Variants in MALRD1 observed in about 807,000 individuals in gnomAD.
The protein encoded by MALRD1 is MAM and LDL receptor class A domain containing 1.
In MALRD1, 247 loss-of-function variants were observed where a neutral mutation model predicts 242.1. That is an observed-to-expected ratio of 1.02 (90% CI 0.92 to 1.13). MALRD1 has a LOEUF of 1.13. Ranked by LOEUF, MALRD1 falls within the 50% of genes most tolerant of loss-of-function variation. MALRD1 has a pLI of 0.00. For synonymous variants in MALRD1, 995 were observed against 866.6 expected, an observed-to-expected ratio of 1.15 and a Z score of -2.60; for missense variants, 2,989 against 2,533.1, an observed-to-expected ratio of 1.18 and a Z score of -3.86.
At chr10:19,591,485 C>A (rs892541474) in intron 33 of MALRD1, among the ~76,000 whole-genome samples, 2 of 148,576 alleles carry the variant, frequency 1.3e-5, no homozygotes, top group Non-Finnish European at 3.0e-5. Flanking sequence ...TTCCTTCCTT[C>A]CTTTTATTTT....
At chr10:19,579,287 C>T (rs929097454) in intron 33 of MALRD1, among the ~76,000 whole-genome samples, 10 of 152,090 alleles carry the variant, frequency 6.6e-5, no homozygotes, top group Non-Finnish European at 1.5e-4. Context: ...TCTCTAATGC[C>T]CATGTCACTA....
At chr10:19,257,322 C>T (rs1189290663) in intron 18 of MALRD1, among the ~76,000 whole-genome samples, 11 of 152,054 alleles carry the variant, frequency 7.2e-5, no homozygotes, top group Non-Finnish European at 1.5e-4. Context: ...GATGAGGGAA[C>T]AATTATTTGC....
chr10:19,497,692 A>G (rs1301816163), intron 30 of MALRD1, among the ~76,000 whole-genome samples: 1 of 152,180 alleles, frequency 6.6e-6, no homozygotes, highest in Non-Finnish European at 1.5e-5. Context: ...AGAAAGGAAA[A>G]GTCAATGACA....
chr10:19,242,946 A>T (rs548724207), intron 18 of MALRD1, among the ~76,000 whole-genome samples: 42 of 151,714 alleles, frequency 2.8e-4, no homozygotes, highest in African/African-American at 8.9e-4. Flanking sequence ...ATAAATTAGG[A>T]CTTCCTTCTA....
intron 4 of MALRD1, 119 bp downstream of exon 4, chr10:19,088,304 C>A: frequency 2.2e-6 from 2 of 916,026 alleles, no homozygotes; most frequent in Non-Finnish European, 2.9e-6. Context: ...AGGGATTTCC[C>A]AGGACTTTCA....
rs1280032156 is a variant in MALRD1, at chr10:19,389,258, C to T, written c.4688-194C>T. ...CATACTGTGAAGCACGTGCTAAAAGCACAGACAGTTGGAAATTGTTCTGTC... is the reference window on the plus strand; with the variant it reads ...CATACTGTGAAGCACGTGCTAAAAGTACAGACAGTTGGAAATTGTTCTGTC... On this transcript the variant is annotated intron_variant, in intron 27 of 39. Transcript: ENST00000454679. 4 of 698,934 alleles carry T rather than the reference C, an allele frequency of 5.7e-6. No homozygotes were observed. In the East Asian group the frequency reaches 1.1e-4, roughly 20 times the overall value. The allele number at this position is 698,934 out of a possible 1,614,324, so 43.3% of individuals were successfully genotyped here. A position where few individuals can be genotyped will look rare whatever the true frequency, so the allele number is the denominator to read the frequency against.
At chr10:19,417,575 TTTACTC>T (rs1202932814) in intron 28 of MALRD1, among the ~76,000 whole-genome samples, 2 of 152,136 alleles carry the variant, frequency 1.3e-5, no homozygotes, top group Non-Finnish European at 2.9e-5. Flanking sequence ...GTGAAACAAA[TTTACTC>T]TTAAGTAAAG....
chr10:19,365,902 C>T (rs980803697), intron 26 of MALRD1, among the ~76,000 whole-genome samples: 1 of 151,918 alleles, frequency 6.6e-6, no homozygotes, highest in Non-Finnish European at 1.5e-5. Context: ...TGCCCTCCAC[C>T]CCAGCACTCA....
At chr10:19,144,664 A>G (rs1833669078) in intron 10 of MALRD1, among the ~76,000 whole-genome samples, 1 of 152,228 alleles carries the variant, frequency 6.6e-6, no homozygotes, top group Admixed American at 6.5e-5. Context: ...CTTTTTAATT[A>G]TGAAACAGAG....
intron 19 of MALRD1, among the ~76,000 whole-genome samples, chr10:19,275,347 A>C (rs1840457139): frequency 6.6e-6 from 1 of 152,134 alleles, no homozygotes; most frequent in South Asian, 2.1e-4. Context: ...CTGCCCTGAA[A>C]TGTTCTTCTC....
rs1200173063 is a variant in MALRD1, at chr10:19,694,092, C to T, written c.6314+1538C>T. The stretch of plus-strand genomic sequence containing the variant: ...AAATTAATTCAAGATGGATTAAAGA[C>T]GTAAATGTTAGACCTAAAACCATAA... On this transcript the variant is annotated intron_variant, in intron 38 of 39. Coordinates refer to ENST00000454679, the MANE Select transcript of MALRD1 (RefSeq NM_001142308.3). Among the ~76,000 whole-genome samples, 20 of 152,256 alleles carry T rather than the reference C, an allele frequency of 1.3e-4. No individual in the cohort carries two copies. The East Asian group carries it at 1.9e-3, about 15-fold the overall frequency.
At chr10:19,052,641 A>G (rs557639856) in intron 1 of MALRD1, among the ~76,000 whole-genome samples, 1 of 152,018 alleles carries the variant, frequency 6.6e-6, no homozygotes, top group Non-Finnish European at 1.5e-5. Flanking sequence ...GATAGAGTAG[A>G]TGTGAAGGTT....
Position 19,381,486 on chromosome 10 carries a change from A to G in MALRD1, c.4442-6042A>G, listed in dbSNP as rs150406108. Among the ~76,000 whole-genome samples the G allele has an allele frequency of 2.0e-4, 31 of 152,068 alleles. No homozygotes were observed. In the East Asian group the frequency reaches 6.0e-3, roughly 29 times the overall value. On this transcript the variant is annotated intron_variant, in intron 26 of 39. Transcript: ENST00000454679. ...TGTCTCTAAATAGCTCTCCTTTCAG[A>G]TATATCATGTATTGCATTCTCTATT...
intron 29 of MALRD1, among the ~76,000 whole-genome samples, chr10:19,464,414 A>G (rs919765891): frequency 2.4e-4 from 37 of 152,296 alleles, no homozygotes; most frequent in Admixed American, 1.2e-3. Flanking sequence ...ACCCAGTTGC[A>G]TTCTCCTACA....
intron 36 of MALRD1, among the ~76,000 whole-genome samples, chr10:19,621,681 T>C (rs1423104573): frequency 6.6e-6 from 1 of 151,616 alleles, no homozygotes; most frequent in Non-Finnish European, 1.5e-5. Context: ...TCAAGTAAAC[T>C]TTTTTCAAAA....
chr10:19,347,079 T>C (rs1844164153), intron 24 of MALRD1, among the ~76,000 whole-genome samples: 1 of 152,186 alleles, frequency 6.6e-6, no homozygotes, highest in African/African-American at 2.4e-5. Context: ...ACATCTTCAC[T>C]ACCATTTTCA....
chr10:19,125,326 T>TTTCC (rs1837235264), intron 7 of MALRD1, among the ~76,000 whole-genome samples: 3 of 60,414 alleles, frequency 5.0e-5, no homozygotes, highest in African/African-American at 2.2e-4. Flanking sequence ...TCCTTCCTTC[T>TTTCC]TTCTTTCTTT....
chr10:19,727,733 C>T (rs560819666), intron 38 of MALRD1, among the ~76,000 whole-genome samples: 6 of 151,066 alleles, frequency 4.0e-5, no homozygotes, highest in African/African-American at 9.7e-5. Context: ...TAAGAGCTAC[C>T]GGCATATTGA....
intron 1 of MALRD1, among the ~76,000 whole-genome samples, chr10:19,057,593 T>C (rs904661689): frequency 6.6e-6 from 1 of 152,126 alleles, no homozygotes; most frequent in African/African-American, 2.4e-5. Context: ...AAAATAAATA[T>C]GTAGAGCCTA....
Sources: allele counts gnomAD v4.1 joint callset (sites outside exome capture counted in the v4.1 genomes callset), GRCh38; gene constraint gnomAD v4.1.1; transcripts MANE v1.5; gene names NCBI Gene and HGNC (gene_info 2026-07-23, HGNC 2026-07-21).